TRIO: variants seen among roughly 807,000 people sequenced by gnomAD.
TRIO encodes the protein triple functional domain protein.
A neutral mutation model predicts 351.9 loss-of-function variants in TRIO; 58 were observed. That is an observed-to-expected ratio of 0.16 (90% CI 0.13 to 0.21). The LOEUF is 0.21. Among genes scored for constraint, TRIO ranks in the 10% least tolerant of loss-of-function variants. The pLI, the probability that TRIO is intolerant of heterozygous loss-of-function variation, is 1.00. For synonymous variants in TRIO, 1,758 were observed against 1,595.7 expected, an observed-to-expected ratio of 1.10 and a Z score of -2.42; for missense variants, 3,201 against 4,027.8, an observed-to-expected ratio of 0.79 and a Z score of 5.56.
At position 14,478,847 on chromosome 5, in the gene TRIO, A is replaced by G. The variant is rs1755302581; in HGVS notation, c.6154-414A>G. ...CATGGTGATGCACATCTGTAATCCTAGCTACTCAGAGGCTGAGGTAGGAGG... is the reference window on the plus strand; with the variant it reads ...CATGGTGATGCACATCTGTAATCCTGGCTACTCAGAGGCTGAGGTAGGAGG... On this transcript the variant is annotated intron_variant, in intron 41 of 56. Coordinates refer to ENST00000344204, the MANE Select transcript of TRIO (RefSeq NM_007118.4). 2.6e-5 allele frequency among the ~76,000 whole-genome samples: 4 copies of G among 151,970 alleles called. No individual in the cohort carries two copies. In the South Asian group the frequency reaches 6.2e-4, roughly 24 times the overall value.
chr5:14,178,470 A>G (rs1789538279), intron 1 of TRIO, among the ~76,000 whole-genome samples: 1 of 152,292 alleles, frequency 6.6e-6, no homozygotes, highest in South Asian at 2.1e-4. Context: ...TTGCTGTCAA[A>G]TATTGATGCT....
chr5:14,442,633 C>T (rs572774680), intron 34 of TRIO, among the ~76,000 whole-genome samples: 2 of 152,186 alleles, frequency 1.3e-5, no homozygotes, highest in Non-Finnish European at 2.9e-5. Flanking sequence ...TTTTACCACT[C>T]GAAGATGGTG....
Position 14,411,953 on chromosome 5 carries a change from A to G in TRIO, c.4959+5281A>G, listed in dbSNP as rs551037598. On this transcript the variant is annotated intron_variant, in intron 33 of 56. Transcript: ENST00000344204. ...GAAGCCTTAGCACCGTGTTGGAGAC[A>G]TGAGGTTCTATGTGTTGTTTTTTTT... 3.3e-5 allele frequency among the ~76,000 whole-genome samples: 5 copies of G among 150,680 alleles called. No individual in the cohort carries two copies. The East Asian group carries it at 9.8e-4, about 30-fold the overall frequency.
intron 1 of TRIO, among the ~76,000 whole-genome samples, chr5:14,264,626 A>G (rs887284130): frequency 6.6e-6 from 1 of 152,084 alleles, no homozygotes; most frequent in Non-Finnish European, 1.5e-5. Context: ...ACCCTTTAAC[A>G]TGTTCATTAG....
At position 14,391,831 on chromosome 5, in the gene TRIO, G is replaced by A. The variant is rs369000007; in HGVS notation, c.4218+841G>A. 7.2e-5 allele frequency among the ~76,000 whole-genome samples: 11 copies of A among 152,204 alleles called. No individual in the cohort carries two copies. In the East Asian group the frequency reaches 9.6e-4, roughly 13 times the overall value. ...TAAACTTTTCAGTTTCTATCTTTGA[G>A]ATGAAGCCCTACCTGTAGATGACCC... On this transcript the variant is annotated intron_variant, in intron 27 of 56. Transcript: ENST00000344204.
intron 52 of TRIO, 35 bp from the exon 53 acceptor site, chr5:14,498,484 T>A (rs1205625994): frequency 6.2e-7 from 1 of 1,603,262 alleles, no homozygotes; most frequent in Admixed American, 1.7e-5. Flanking sequence ...TGCTCAGCTT[T>A]TCTGATGCGC....
chr5:14,392,722 T>C (rs539897198), intron 27 of TRIO, among the ~76,000 whole-genome samples: 1 of 152,172 alleles, frequency 6.6e-6, no homozygotes, highest in Non-Finnish European at 1.5e-5. Flanking sequence ...GTGGCACATA[T>C]ACACCATGGA....
intron 41 of TRIO, 61 bp from the exon 42 acceptor site, chr5:14,479,200 C>T (rs950610884): frequency 1.4e-5 from 19 of 1,376,164 alleles, no homozygotes; most frequent in South Asian, 9.4e-5. Context: ...TGCGGGTACT[C>T]GTGTATTCTA....
chr5:14,424,134 G>T (rs952095375), intron 34 of TRIO, among the ~76,000 whole-genome samples: 6 of 151,970 alleles, frequency 3.9e-5, no homozygotes, highest in African/African-American at 1.5e-4. Context: ...TGGAGGATGC[G>T]TTCTTCCTGT....
Position 14,387,535 on chromosome 5 carries a change from C to G in TRIO, c.3668C>G (p.Ala1223Gly). ...HAAEIKKCVT[A>G]VDKRYRDFSL... Reference sequence around the variant, plus strand: ...GCAGAGATAAAAAAATGTGTTACTGCTGTGGATAAGAGGTACAGAGATTTC... The same window carrying G: ...GCAGAGATAAAAAAATGTGTTACTGGTGTGGATAAGAGGTACAGAGATTTC... Residue 1223 changes from alanine to glycine, a missense_variant, in exon 22 of 57, where the codon GCT becomes GGT. Coordinates refer to ENST00000344204, the MANE Select transcript of TRIO (RefSeq NM_007118.4). The G allele has an allele frequency of 6.2e-7, 1 of 1,614,242 alleles. No individual in the cohort carries two copies. The highest frequency in any genetic ancestry group is 8.5e-7 in the Non-Finnish European group (1 of 1,180,034).
intron 1 of TRIO, among the ~76,000 whole-genome samples, chr5:14,266,036 C>T (rs140219817): frequency 6.6e-6 from 1 of 152,024 alleles, no homozygotes; most frequent in African/African-American, 2.4e-5. Context: ...TTGATTGATT[C>T]ATTCATTCAT....
intron 1 of TRIO, among the ~76,000 whole-genome samples, chr5:14,227,969 G>A (rs771672868): frequency 1.3e-5 from 2 of 152,106 alleles, no homozygotes; most frequent in African/African-American, 2.4e-5. Context: ...TTAATGCTTA[G>A]CCAAGTATTC....
At chr5:14,199,623 T>C (rs1790985137) in intron 1 of TRIO, among the ~76,000 whole-genome samples, 1 of 152,240 alleles carries the variant, frequency 6.6e-6, no homozygotes. Flanking sequence ...GCCTGTGGCA[T>C]TCTGCATCCT....
chr5:14,482,830 T>C, intron 46 of TRIO, 57 bp downstream of exon 46: 1 of 1,385,262 alleles, frequency 7.2e-7, no homozygotes, highest in South Asian at 1.7e-5. Flanking sequence ...GTCACACCGA[T>C]ACACTGTTTC....
chr5:14,456,463 G>A (rs1439061119), intron 34 of TRIO, among the ~76,000 whole-genome samples: 1 of 152,254 alleles, frequency 6.6e-6, no homozygotes, highest in Non-Finnish European at 1.5e-5. Flanking sequence ...TGACCACAGG[G>A]CTCGCCTTCA....
intron 1 of TRIO, among the ~76,000 whole-genome samples, chr5:14,219,025 G>T (rs537416640): frequency 1.3e-5 from 2 of 152,314 alleles, no homozygotes; most frequent in East Asian, 3.9e-4. Flanking sequence ...TGCTGTCAGA[G>T]ACTTGGTCAA....
chr5:14,322,443 A>G (rs1322171459), intron 9 of TRIO, among the ~76,000 whole-genome samples: 1 of 152,226 alleles, frequency 6.6e-6, no homozygotes, highest in East Asian at 1.9e-4. Flanking sequence ...ATGCAAAATG[A>G]GGGTCTTTTA....
intron 1 of TRIO, among the ~76,000 whole-genome samples, chr5:14,154,209 TG>T (rs1472405652): frequency 1.3e-5 from 2 of 151,982 alleles, no homozygotes; most frequent in East Asian, 3.9e-4. Flanking sequence ...TGGCTGTTAA[TG>T]TGGGGGTTGG....
rs202016150 is a variant in TRIO, at chr5:14,482,850, A to G, written c.6657+77A>G. On this transcript the variant is annotated intron_variant, in intron 46 of 56. Transcript: ENST00000344204. ...ACCGATACACTGTTTCCTTTTAATGATGACATACCCTGATGCTTCGTTTAA... is the reference window on the plus strand; with the variant it reads ...ACCGATACACTGTTTCCTTTTAATGGTGACATACCCTGATGCTTCGTTTAA... 34 of 1,298,448 alleles carry G rather than the reference A, an allele frequency of 2.6e-5. No homozygotes were observed. In the East Asian group the frequency reaches 5.3e-4, roughly 20 times the overall value. 80.4% of individuals were successfully genotyped at this position (1,298,448 alleles called of 1,614,324 possible). A position where few individuals can be genotyped will look rare whatever the true frequency, so the allele number is the denominator to read the frequency against.
Sources: gnomAD v4.1 joint callset for allele counts (sites outside exome capture counted in the v4.1 genomes callset) on GRCh38, gnomAD v4.1.1 for gene constraint, MANE v1.5 for transcripts, NCBI Gene and HGNC (gene_info 2026-07-23, HGNC 2026-07-21) for gene names.